The following ZNF487 variants were observed in gnomAD, a reference collection of about 807,000 sequenced individuals.
ZNF487 encodes the protein zinc finger protein 487, also known as KRAB domain only 1.
A neutral mutation model predicts 3.0 loss-of-function variants in ZNF487; 4 were observed. That is an observed-to-expected ratio of 1.35 (90% CI 0.66 to 3.08). ZNF487 has a LOEUF of 3.08. Ranked by LOEUF, ZNF487 falls within the 30% of genes most tolerant of loss-of-function variation. The pLI is 0.01. For missense variants in ZNF487, 146 were observed against 98.7 expected (o/e 1.48, Z -2.03); for synonymous variants, 55 against 34.6 (o/e 1.59, Z -2.06).
At chr10:43,467,528 A>C (rs1840750678) in intron 1 of ZNF487, among the ~76,000 whole-genome samples, 1 of 151,916 alleles carries the variant, frequency 6.6e-6, no homozygotes, top group Admixed American at 6.6e-5. Context: ...TTAAGAAATA[A>C]ATTTGTAGCC....
the ZNF487 span, among the ~76,000 whole-genome samples, chr10:43,494,813 T>G: frequency 1.4e-5 from 2 of 143,662 alleles, no homozygotes; most frequent in African/African-American, 5.3e-5. Flanking sequence ...AGTGCGCGCC[T>G]GTAATGTCAT....
chr10:43,503,997 T>G, the ZNF487 span, among the ~76,000 whole-genome samples: 1 of 152,190 alleles, frequency 6.6e-6, no homozygotes, highest in African/African-American at 2.4e-5. Flanking sequence ...GCCTACAGTA[T>G]TCAGTATAGT....
At chr10:43,445,289 C>T (rs898226079) in intron 1 of ZNF487, among the ~76,000 whole-genome samples, 2 of 152,058 alleles carry the variant, frequency 1.3e-5, no homozygotes, top group Non-Finnish European at 2.9e-5. Context: ...ACAACTGGCC[C>T]ACTTTCAGAA....
At chr10:43,463,868 G>A (rs932939304) in intron 1 of ZNF487, among the ~76,000 whole-genome samples, 2 of 151,890 alleles carry the variant, frequency 1.3e-5, no homozygotes, top group African/African-American at 4.8e-5. Context: ...CCGTATATAA[G>A]ATGGTTAAAA....
chr10:43,439,533 T>A (rs543049180), intron 1 of ZNF487, among the ~76,000 whole-genome samples: 4 of 152,032 alleles, frequency 2.6e-5, no homozygotes, highest in Non-Finnish European at 5.9e-5. Context: ...TGAAACCCTG[T>A]CTCTACTAAA....
At chr10:43,474,016 C>G (rs1176978377) in intron 1 of ZNF487, among the ~76,000 whole-genome samples, 1 of 151,842 alleles carries the variant, frequency 6.6e-6, no homozygotes, top group Non-Finnish European at 1.5e-5. Context: ...AAAAAATTAA[C>G]TGGGGATGGT....
the ZNF487 span, among the ~76,000 whole-genome samples, chr10:43,489,058 A>G: frequency 6.6e-6 from 1 of 152,198 alleles, no homozygotes; most frequent in African/African-American, 2.4e-5. Context: ...TGTGGTGAAC[A>G]GTGATCACGC....
the ZNF487 span, among the ~76,000 whole-genome samples, chr10:43,512,218 T>C: frequency 4.6e-5 from 7 of 152,272 alleles, no homozygotes; most frequent in African/African-American, 1.4e-4. Flanking sequence ...TGTTCACTGA[T>C]CATAGGGAAC....
chr10:43,523,668 G>C, the ZNF487 span: 1 of 152,928 alleles, frequency 6.5e-6, no homozygotes, highest in Admixed American at 6.5e-5. Flanking sequence ...GTGTGGGAAA[G>C]CTTTTCATGA....
chr10:43,491,595 A>T, the ZNF487 span, among the ~76,000 whole-genome samples: 7 of 151,214 alleles, frequency 4.6e-5, no homozygotes, highest in Admixed American at 3.3e-4. Context: ...CATGTCCGAG[A>T]CCCCTCTAGC....
intron 1 of ZNF487, among the ~76,000 whole-genome samples, chr10:43,443,699 T>G (rs1046022397): frequency 1.1e-4 from 16 of 151,334 alleles, no homozygotes; most frequent in African/African-American, 3.6e-4. Context: ...AATCAATTTT[T>G]TTTGTAGAGA....
intron 1 of ZNF487, among the ~76,000 whole-genome samples, chr10:43,464,652 T>G (rs914515040): frequency 4.6e-5 from 7 of 152,182 alleles, no homozygotes; most frequent in East Asian, 3.9e-4. Context: ...AACCCTGAGT[T>G]GACACAGCAC....
At chr10:43,496,021 A>AGTGTC in the ZNF487 span, 2 of 533,368 alleles carry the variant, frequency 3.7e-6, no homozygotes, top group Non-Finnish European at 7.7e-6. Flanking sequence ...TTCAGGGATC[A>AGTGTC]GTGTCGCTCA....
chr10:43,495,889 G>T, the ZNF487 span: 1 of 409,672 alleles, frequency 2.4e-6, no homozygotes, highest in African/African-American at 2.0e-5. Context: ...ATAAAGGACA[G>T]AGTAGGTATG....
chr10:43,440,725 C>G (rs1296393890), intron 1 of ZNF487, among the ~76,000 whole-genome samples: 1 of 151,778 alleles, frequency 6.6e-6, no homozygotes, highest in Non-Finnish European at 1.5e-5. Flanking sequence ...GTAGTTCCGC[C>G]TCATGGCTCC....
the ZNF487 span, among the ~76,000 whole-genome samples, chr10:43,517,235 C>A: frequency 1.4e-4 from 22 of 152,246 alleles, no homozygotes; most frequent in Admixed American, 1.4e-3. Context: ...CCATTTCATC[C>A]CTGACACCAT....
intron 1 of ZNF487, among the ~76,000 whole-genome samples, 174 bp downstream of exon 1, chr10:43,437,436 G>C (rs899635275): frequency 6.6e-5 from 10 of 152,150 alleles, no homozygotes; most frequent in Non-Finnish European, 1.2e-4. Context: ...GGAGCGGCCA[G>C]CCCACCCTAG....
intron 1 of ZNF487, among the ~76,000 whole-genome samples, chr10:43,448,388 A>G (rs972738219): frequency 6.6e-6 from 1 of 152,094 alleles, no homozygotes; most frequent in African/African-American, 2.4e-5. Context: ...GCTGAAGTGG[A>G]GAATTGAAGA....
At chr10:43,477,587 G>GT (rs1236910638) in intron 3 of ZNF487, among the ~76,000 whole-genome samples, 1 of 151,302 alleles carries the variant, frequency 6.6e-6, no homozygotes. Context: ...AGTAATACTT[G>GT]TAACTTCTAA....
Sources: allele counts gnomAD v4.1 joint callset (sites outside exome capture counted in the v4.1 genomes callset), GRCh38; gene constraint gnomAD v4.1.1; transcripts MANE v1.5; gene names NCBI Gene and HGNC (gene_info 2026-07-23, HGNC 2026-07-21).